The following NOVA1 variants were observed in gnomAD, a reference collection of about 807,000 sequenced individuals.
NOVA1 encodes the protein NOVA alternative splicing regulator 1, also known as RNA-binding protein Nova-1.
A neutral mutation model predicts 38.0 loss-of-function variants in NOVA1; 7 were observed. The observed-to-expected ratio is 0.18, with a 90% CI of 0.10 to 0.35. The LOEUF (loss-of-function observed/expected upper bound fraction) is 0.35. NOVA1 is among the 10% of genes least tolerant of loss of function. The pLI, the probability that NOVA1 is intolerant of heterozygous loss-of-function variation, is 1.00. For missense variants in NOVA1, 460 were observed against 616.0 expected, an observed-to-expected ratio of 0.75 and a Z score of 2.68; for synonymous variants, 270 against 232.5, an observed-to-expected ratio of 1.16 and a Z score of -1.47.
chr14:26,597,143 G>A (rs1337395059), intron 1 of NOVA1, 158 bp downstream of exon 1: 4 of 1,216,334 alleles, frequency 3.3e-6, no homozygotes, highest in Non-Finnish European at 4.1e-6. Flanking sequence ...TGCAGGGGAG[G>A]GGGCGCGGGG....
intron 2 of NOVA1, among the ~76,000 whole-genome samples, chr14:26,579,697 T>C (rs1361041105): frequency 1.3e-5 from 2 of 151,848 alleles, no homozygotes; most frequent in African/African-American, 4.8e-5. Context: ...ATCAAGAATA[T>C]GTGTAATGAC....
At chr14:26,582,587 A>T (rs1893288344) in intron 2 of NOVA1, among the ~76,000 whole-genome samples, 1 of 151,812 alleles carries the variant, frequency 6.6e-6, no homozygotes, top group Admixed American at 6.6e-5. Context: ...ATTGCTGGCA[A>T]TACTAAATAT....
intron 1 of NOVA1, chr14:26,596,428 A>G: frequency 1.4e-6 from 1 of 707,758 alleles, no homozygotes; most frequent in South Asian, 1.8e-5. Context: ...ACAAACTTTA[A>G]TTTCCGTCAA....
Position 26,445,481 on chromosome 14 carries a change from C to G in NOVA1, c.*2478G>C, listed in dbSNP as rs993616376. The stretch of plus-strand genomic sequence containing the variant: ...TGCTAACTAGGAAAAGTTTAAAATT[C>G]CCATTTACAATTAAAATTGAACTAA... On this transcript the variant is annotated 3_prime_UTR_variant, in exon 5 of 5. Coordinates refer to ENST00000539517, the MANE Select transcript of NOVA1 (RefSeq NM_002515.3). 3.3e-5 allele frequency: 5 copies of G among 152,048 alleles called. No homozygotes were observed. The East Asian group carries it at 9.6e-4, about 29-fold the overall frequency. The allele number at this position is 152,048 out of a possible 1,614,324, so 9.4% of individuals were successfully genotyped here.
intron 2 of NOVA1, among the ~76,000 whole-genome samples, chr14:26,534,701 T>C (rs186201332): frequency 6.8e-4 from 104 of 152,274 alleles, no homozygotes; most frequent in Non-Finnish European, 1.2e-3. Flanking sequence ...AATGTCACTT[T>C]ATATGGCAAA....
intron 2 of NOVA1, among the ~76,000 whole-genome samples, chr14:26,550,499 T>G (rs577506729): frequency 6.6e-6 from 1 of 152,294 alleles, no homozygotes; most frequent in South Asian, 2.1e-4. Flanking sequence ...TGAGATCACT[T>G]TAGCTCATTA....
chr14:26,471,335 A>C (rs1884572487), intron 4 of NOVA1, among the ~76,000 whole-genome samples: 1 of 152,016 alleles, frequency 6.6e-6, no homozygotes, highest in Non-Finnish European at 1.5e-5. Flanking sequence ...GCCACATTTA[A>C]TATATTTAGC....
chr14:26,449,356 T>G (rs1882423056), intron 4 of NOVA1, among the ~76,000 whole-genome samples: 3 of 152,132 alleles, frequency 2.0e-5, no homozygotes, highest in African/African-American at 7.2e-5. Flanking sequence ...AGAAAATGCT[T>G]TGTTCTAAAA....
chr14:26,521,427 A>T (rs1052156803), intron 2 of NOVA1, among the ~76,000 whole-genome samples: 1 of 152,078 alleles, frequency 6.6e-6, no homozygotes, highest in African/African-American at 2.4e-5. Context: ...AACAAAACAG[A>T]CTCACGAACT....
chr14:26,464,492 T>C (rs146110089), intron 4 of NOVA1, among the ~76,000 whole-genome samples: 43 of 152,354 alleles, frequency 2.8e-4, no homozygotes, highest in African/African-American at 9.9e-4. Context: ...TCAGAACATA[T>C]CCGTGATACA....
intron 2 of NOVA1, among the ~76,000 whole-genome samples, chr14:26,577,970 G>A (rs992044669): frequency 1.3e-5 from 2 of 150,006 alleles, no homozygotes; most frequent in African/African-American, 2.5e-5. Context: ...AGTAACCACG[G>A]ACAGAAAAAA....
chr14:26,509,914 G>C (rs544781673), intron 2 of NOVA1, among the ~76,000 whole-genome samples: 1 of 152,064 alleles, frequency 6.6e-6, no homozygotes, highest in East Asian at 1.9e-4. Flanking sequence ...TCCTGACCTC[G>C]GGTGATATGC....
chr14:26,567,984 A>G (rs573000405), intron 2 of NOVA1, among the ~76,000 whole-genome samples: 1 of 152,330 alleles, frequency 6.6e-6, no homozygotes, highest in South Asian at 2.1e-4. Context: ...TCCCAACCAA[A>G]CAAAAATACT....
intron 2 of NOVA1, among the ~76,000 whole-genome samples, chr14:26,526,475 A>G (rs1889307340): frequency 6.6e-6 from 1 of 152,156 alleles, no homozygotes; most frequent in Non-Finnish European, 1.5e-5. Flanking sequence ...GAGATCTATA[A>G]AACTAGACAA....
chr14:26,527,088 A>AGCTGTTT, intron 2 of NOVA1, among the ~76,000 whole-genome samples: 1 of 97,986 alleles, frequency 1.0e-5, no homozygotes, highest in African/African-American at 4.0e-5. Flanking sequence ...CCCCAAGGAA[A>AGCTGTTT]ACTGTTTAAA....
chr14:26,471,790 C>A (rs541712245), intron 4 of NOVA1, among the ~76,000 whole-genome samples: 1 of 152,056 alleles, frequency 6.6e-6, no homozygotes, highest in Admixed American at 6.6e-5. Context: ...AGTTGTTAAA[C>A]ATTAAAATTA....
intron 2 of NOVA1, among the ~76,000 whole-genome samples, chr14:26,552,992 C>A (rs1241363145): frequency 6.6e-6 from 1 of 152,008 alleles, no homozygotes; most frequent in Non-Finnish European, 1.5e-5. Context: ...ATAATAAGGA[C>A]TTTGGGTTTG....
At chr14:26,530,399 G>A (rs1046741998) in intron 2 of NOVA1, among the ~76,000 whole-genome samples, 1 of 152,032 alleles carries the variant, frequency 6.6e-6, no homozygotes, top group African/African-American at 2.4e-5. Flanking sequence ...ATTCTGTTAA[G>A]ATTAAAAAAG....
At chr14:26,532,542 G>C (rs939328542) in intron 2 of NOVA1, among the ~76,000 whole-genome samples, 1 of 152,188 alleles carries the variant, frequency 6.6e-6, no homozygotes, top group Non-Finnish European at 1.5e-5. Context: ...AAGGAATGTT[G>C]AAGTGAGGAT....
Sources: gnomAD v4.1 joint callset for allele counts (sites outside exome capture counted in the v4.1 genomes callset) on GRCh38, gnomAD v4.1.1 for gene constraint, MANE v1.5 for transcripts, NCBI Gene and HGNC (gene_info 2026-07-23, HGNC 2026-07-21) for gene names.